Variants in SI observed in about 807,000 individuals in gnomAD.
SI encodes the protein sucrase-isomaltase, intestinal.
In SI, 235 loss-of-function variants were observed where a neutral mutation model predicts 253.3. That is an observed-to-expected ratio of 0.93 (90% confidence interval 0.83 to 1.03). The LOEUF is 1.03. Ranked by LOEUF, SI falls within the 50% of genes least tolerant of loss-of-function variation. The pLI is 0.00. For missense variants in SI, 2,442 were observed against 2,211.1 expected (o/e 1.10, Z -2.09); for synonymous variants, 819 against 712.0 (o/e 1.15, Z -2.39).
chr3:164,979,399 A>G lies in SI; in HGVS notation c.5447T>C (p.Val1816Ala). 1 of 1,587,466 alleles carries G rather than the reference A, an allele frequency of 6.3e-7. No homozygotes were observed. Among genetic ancestry groups the G allele is most frequent in the Non-Finnish European group, 8.6e-7 (1 of 1,157,218 alleles). The change falls in exon 48 of 48, where the codon GTT becomes GCT. Residue 1816 changes from valine (V) to alanine (A), a missense_variant. By Grantham distance (64) the Val-to-Ala change is moderately conservative. Transcript: ENST00000264382. ...ILRIDLTTHN[V>A]TLEEPIEINW... is the part of the protein sequence containing the mutation. ...GATTTCTATTGGTTCTTCTAGAGTA[A>G]CATTGTGTGTGGTCAGATCAATACG...
chr3:164,983,776 A>G (rs1717310496), intron 45 of SI, among the ~76,000 whole-genome samples: 1 of 151,748 alleles, frequency 6.6e-6, no homozygotes, highest in Non-Finnish European at 1.5e-5. Context: ...TTAATTTTGT[A>G]GAGGCAGGTT....
Position 165,060,018 on chromosome 3 carries a change from G to C in SI, c.1030C>G (p.Leu344Val), listed in dbSNP as rs775671973. Residue 344 changes from leucine to valine, a missense_variant, in exon 10 of 48, where the codon CTA (leucine) becomes GTA (valine). Physicochemically the swap from Leu to Val is conservative, Grantham distance 32 (BLOSUM62 1). Transcript: ENST00000264382. ...VVQQYQQLVG[L>V]PAMPAYWNLG... Reference sequence around the variant, plus strand: ...TTCCAATATGCTGGCATTGCTGGTAGTCCAACAAGCTTAAAGTAAATGAGC... The same window carrying C: ...TTCCAATATGCTGGCATTGCTGGTACTCCAACAAGCTTAAAGTAAATGAGC... 3 of 1,611,342 alleles carry C rather than the reference G, an allele frequency of 1.9e-6. No homozygotes were observed. In the East Asian group the frequency reaches 6.7e-5, roughly 36 times the overall value.
rs533057264 is a variant in SI at position 165,074,677 on chromosome 3, G to GA, written c.119-11dup. The GA allele has an allele frequency of 2.5e-4, 407 of 1,602,080 alleles. 3 individuals carry two copies. In the African/African-American group the frequency reaches 5.2e-3, roughly 20 times the overall value. On this transcript the variant is annotated splice_polypyrimidine_tract_variant and intron_variant, in intron 2 of 47. Coordinates refer to ENST00000264382, the MANE Select transcript of SI (RefSeq NM_001041.4). Reference sequence around the variant, plus strand: ...GTAGAATCACTAATTTCTGGGGGAGGAAAAAACTCAATAAAATAAAACATG... The same window carrying GA: ...GTAGAATCACTAATTTCTGGGGGAGGAAAAAAACTCAATAAAATAAAACATG...
chr3:165,008,808 A>C (rs370901694), intron 35 of SI, among the ~76,000 whole-genome samples: 1 of 151,936 alleles, frequency 6.6e-6, no homozygotes, highest in Admixed American at 6.6e-5. Flanking sequence ...TTAAGCATTT[A>C]CTTGTAGCAA....
At chr3:165,002,977 GT>G (rs1316606734) in intron 37 of SI, among the ~76,000 whole-genome samples, 1 of 151,714 alleles carries the variant, frequency 6.6e-6, no homozygotes. Flanking sequence ...ATGGAAGATT[GT>G]GCTGATTTCC....
Position 165,030,712 on chromosome 3 carries a change from C to A in SI, c.2892G>T (p.Thr964=), listed in dbSNP as rs145486890. ...GAGTAATAGTTAAAATTATTATTAC[C>A]GTTCTCCATACACAGCCACGTTGTG... ...KCTQRGCVWR[T]GSSLSKAPEC... Residue 964 remains threonine, a splice_region_variant and synonymous_variant, in exon 25 of 48, where the codon ACG becomes ACT. Transcript: ENST00000264382. The A allele has an allele frequency of 6.2e-7, 1 of 1,607,318 alleles. No individual in the cohort carries two copies. The highest frequency in any genetic ancestry group is 1.1e-5 in the South Asian group (1 of 90,786).
At chr3:164,986,467 T>C (rs1205157454) in intron 45 of SI, among the ~76,000 whole-genome samples, 3 of 152,178 alleles carry the variant, frequency 2.0e-5, no homozygotes, top group African/African-American at 4.8e-5. Flanking sequence ...CCAACAAGAA[T>C]GTGGACAGGC....
At position 165,007,980 on chromosome 3, in the gene SI, T is replaced by A. The variant is rs761050731; in HGVS notation, c.4198A>T (p.Ser1400Cys). 1.3e-5 allele frequency: 21 copies of A among 1,577,626 alleles called. No homozygotes were observed. The highest frequency in any genetic ancestry group is 1.7e-5 in the Non-Finnish European group (20 of 1,148,042). Reference protein sequence around the residue: ...GLWIDMNEPSSFVNGTTTNQC... With the variant: ...GLWIDMNEPSCFVNGTTTNQC... ...TTAGTAGTTGTTCCATTTACAAAACTTGATGGCTCATTCATATCCTTAAAA... is the reference window on the plus strand; with the variant it reads ...TTAGTAGTTGTTCCATTTACAAAACATGATGGCTCATTCATATCCTTAAAA... The change falls in exon 36 of 48, where the codon AGT (serine) becomes TGT (cysteine). Residue 1400 changes from serine to cysteine, a missense_variant. Coordinates refer to ENST00000264382, the MANE Select transcript of SI (RefSeq NM_001041.4).
intron 20 of SI, among the ~76,000 whole-genome samples, chr3:165,038,286 A>G (rs1364841108): frequency 6.6e-6 from 1 of 152,078 alleles, no homozygotes; most frequent in Non-Finnish European, 1.5e-5. Context: ...TACTTTAATT[A>G]GCTTTTTTAT....
chr3:164,992,467 T>C, intron 41 of SI, 70 bp from the exon 42 acceptor site: 2 of 1,057,102 alleles, frequency 1.9e-6, no homozygotes, highest in Admixed American at 2.2e-5. Context: ...AAAATCATTA[T>C]TCAAATTACA....
intron 41 of SI, among the ~76,000 whole-genome samples, chr3:164,993,742 T>A (rs1441143229): frequency 1.3e-5 from 2 of 151,708 alleles, no homozygotes; most frequent in Non-Finnish European, 3.0e-5. Flanking sequence ...TAAGATTTGG[T>A]CATATAAAAG....
chr3:165,059,942 T>G lies in SI; in HGVS notation c.1106A>C (p.Lys369Thr). 1 of 1,612,080 alleles carries G rather than the reference T, an allele frequency of 6.2e-7. No individual in the cohort carries two copies. Among genetic ancestry groups the G allele is most frequent in the Non-Finnish European group, 8.5e-7 (1 of 1,178,558 alleles). Residue 369 changes from lysine (K) to threonine (T), a missense_variant, in exon 10 of 48, where the codon AAA becomes ACA. Transcript: ENST00000264382. Reference sequence around the variant, plus strand: ...TTCCCGGTTTCTCCTTACCACTTCTTTCACTACATCTAGTGACTTATAATT... The same window carrying G: ...TTCCCGGTTTCTCCTTACCACTTCTGTCACTACATCTAGTGACTTATAATT... Reference protein sequence around the residue: ...RWNYKSLDVVKEVVRRNREAG... With the variant: ...RWNYKSLDVVTEVVRRNREAG...
intron 24 of SI, among the ~76,000 whole-genome samples, chr3:165,031,621 C>A (rs1211461417): frequency 6.7e-6 from 1 of 149,492 alleles, no homozygotes; most frequent in Non-Finnish European, 1.5e-5. Context: ...AATTGAAAAG[C>A]CCTGGGCCAG....
In SI at chr3:165,046,936, C is replaced by A. The variant is rs769057782; in HGVS notation, c.1792G>T (p.Ala598Ser). 1.2e-6 allele frequency: 2 copies of A among 1,612,658 alleles called. No homozygotes were observed. Among genetic ancestry groups the A allele is most frequent in the East Asian group, 2.2e-5 (1 of 44,740 alleles). Residue 598 changes from alanine (A) to serine (S), a missense_variant, in exon 16 of 48, where the codon GCT becomes TCT. Physicochemically the swap from Ala to Ser is moderately conservative, Grantham distance 99. Transcript: ENST00000264382. ...RSTFAGSGRH[A>S]AHWLGDNTAS... ...GTATTGTCTCCTAACCAATGCGCAG[C>A]ATGTCTTCCAGATCCAGCAAATGTT...
At position 165,048,447 on chromosome 3, in the gene SI, A is replaced by G. The variant is rs541995727; in HGVS notation, c.1715+680T>C. ...CTTGGGGCAATATTTTCCCAGGCTA[A>G]TTGTGAGATGCAAGCTTAAAACACA... On this transcript the variant is annotated intron_variant, in intron 15 of 47. Transcript: ENST00000264382. Among the ~76,000 whole-genome samples, 4 of 151,048 alleles carry G rather than the reference A, an allele frequency of 2.6e-5. No homozygotes were observed. The East Asian group carries it at 7.8e-4, about 29-fold the overall frequency.
intron 47 of SI, among the ~76,000 whole-genome samples, chr3:164,980,612 G>A (rs1334722625): frequency 6.6e-6 from 1 of 151,852 alleles, no homozygotes; most frequent in East Asian, 1.9e-4. Context: ...AGAGTTGTTG[G>A]TTAAAGTAAA....
chr3:164,990,654 A>C (rs1007904161), intron 44 of SI, among the ~76,000 whole-genome samples: 10 of 152,126 alleles, frequency 6.6e-5, no homozygotes, highest in African/African-American at 2.4e-4. Context: ...AGGACAAAAA[A>C]CCAAACACCG....
At chr3:165,015,257 C>G (rs768663692) in intron 32 of SI, 24 bp from the exon 33 acceptor site, 3 of 1,532,612 alleles carry the variant, frequency 2.0e-6, no homozygotes, top group Non-Finnish European at 2.7e-6. Flanking sequence ...GAAATATAAA[C>G]AAGGTACACA....
At chr3:165,035,787 G>A (rs1712499068) in intron 22 of SI, among the ~76,000 whole-genome samples, 1 of 151,474 alleles carries the variant, frequency 6.6e-6, no homozygotes, top group South Asian at 2.1e-4. Context: ...AAGGAAAATT[G>A]TAAGTGAATA....
Sources: gnomAD v4.1 joint callset for allele counts (sites outside exome capture counted in the v4.1 genomes callset) on GRCh38, gnomAD v4.1.1 for gene constraint, MANE v1.5 for transcripts, NCBI Gene and HGNC (gene_info 2026-07-23, HGNC 2026-07-21) for gene names.